The following WDR7 variants were observed in gnomAD, a reference collection of about 807,000 sequenced individuals.
WDR7 encodes WD repeat domain 7, also known as WD repeat-containing protein 7.
WDR7 carries 46 observed loss-of-function variants against 169.4 expected under a neutral mutation model. The ratio of observed to expected loss-of-function variants is 0.27; its 90% confidence interval spans 0.21 to 0.35. The LOEUF is 0.35. WDR7 is among the 10% of genes least tolerant of loss of function. The probability of loss-of-function intolerance (pLI) is 1.00; values close to 1 mark genes in which losing one functional copy is unlikely to be tolerated. For synonymous variants in WDR7, 612 were observed against 666.8 expected, an observed-to-expected ratio of 0.92 and a Z score of 1.27; for missense variants, 1,534 against 1,859.3, an observed-to-expected ratio of 0.83 and a Z score of 3.22.
At chr18:56,802,005 A>G (rs2044681233) in intron 19 of WDR7, among the ~76,000 whole-genome samples, 1 of 152,182 alleles carries the variant, frequency 6.6e-6, no homozygotes, top group Non-Finnish European at 1.5e-5. Context: ...GGAATTGCTT[A>G]GTTATATAAG....
chr18:56,799,425 T>TAC (rs199544015), intron 19 of WDR7, among the ~76,000 whole-genome samples: 1 of 151,412 alleles, frequency 6.6e-6, no homozygotes, highest in African/African-American at 2.4e-5. Flanking sequence ...ATTTTGGTTT[T>TAC]TTTTATTCAT....
At chr18:56,698,031 T>A (rs1458192093) in intron 12 of WDR7, among the ~76,000 whole-genome samples, 1 of 151,896 alleles carries the variant, frequency 6.6e-6, no homozygotes, top group African/African-American at 2.4e-5. Flanking sequence ...CCTTCTCTAC[T>A]AAAATTACAA....
chr18:56,679,367 A>G lies in WDR7; in HGVS notation c.195A>G (p.Ala65=). Residue 65 remains alanine, a synonymous_variant, in exon 3 of 28, where the codon GCA becomes GCG. Transcript: ENST00000254442. ...NPRALLFGHT[A]SITCLSKACA... is the part of the protein sequence containing the mutation. The stretch of plus-strand genomic sequence containing the variant: ...GAGCACTGTTGTTTGGTCATACAGC[A>G]TCAATCACTTGTTTGTCTAAAGCTT... The G allele has an allele frequency of 1.2e-6, 2 of 1,612,700 alleles. No homozygotes were observed. The highest frequency in any genetic ancestry group is 1.1e-5 in the South Asian group (1 of 91,030).
chr18:56,768,480 C>T (rs1365375560), intron 16 of WDR7, among the ~76,000 whole-genome samples: 1 of 152,016 alleles, frequency 6.6e-6, no homozygotes, highest in Admixed American at 6.6e-5. Flanking sequence ...TTTTTGTCTC[C>T]TAACAACTCT....
At chr18:56,735,764 T>C (rs1359898384) in intron 14 of WDR7, among the ~76,000 whole-genome samples, 1 of 152,162 alleles carries the variant, frequency 6.6e-6, no homozygotes, top group Non-Finnish European at 1.5e-5. Flanking sequence ...TAACTTTGCT[T>C]TATAGTGTGA....
intron 19 of WDR7, among the ~76,000 whole-genome samples, chr18:56,794,672 C>T (rs1167720290): frequency 1.3e-5 from 2 of 152,054 alleles, no homozygotes; most frequent in Non-Finnish European, 2.9e-5. Flanking sequence ...AAAATTAAAA[C>T]CAATTTGTTA....
chr18:56,984,290 A>G lies in WDR7; in HGVS notation c.4164+21761A>G, dbSNP rs573094991. On this transcript the variant is annotated intron_variant, in intron 26 of 27. Transcript: ENST00000254442. Reference sequence around the variant, plus strand: ...TTCCTACCCATAAATTTTTACTGAAATGTATGAAATATTAGCATCATATAT... The same window carrying G: ...TTCCTACCCATAAATTTTTACTGAAGTGTATGAAATATTAGCATCATATAT... Among the ~76,000 whole-genome samples the G allele has an allele frequency of 4.0e-4, 61 of 152,346 alleles. No individual in the cohort carries two copies. The South Asian group carries it at 0.012, about 30-fold the overall frequency.
chr18:56,794,745 G>C (rs2044554613), intron 19 of WDR7, among the ~76,000 whole-genome samples: 1 of 152,070 alleles, frequency 6.6e-6, no homozygotes, highest in South Asian at 2.1e-4. Flanking sequence ...TTCAAAGTTT[G>C]TTTATGCCAT....
intron 20 of WDR7, among the ~76,000 whole-genome samples, chr18:56,821,332 T>C (rs2045091977): frequency 6.6e-6 from 1 of 152,172 alleles, no homozygotes; most frequent in African/African-American, 2.4e-5. Flanking sequence ...GAAATTACTT[T>C]GAAGTAGATA....
intron 1 of WDR7, among the ~76,000 whole-genome samples, chr18:56,671,784 G>T (rs2025141271): frequency 6.6e-6 from 1 of 151,204 alleles, no homozygotes; most frequent in African/African-American, 2.5e-5. Context: ...TATGAAATAG[G>T]AATGATAATA....
chr18:56,866,048 G>T (rs760616470), intron 20 of WDR7, among the ~76,000 whole-genome samples: 8 of 152,098 alleles, frequency 5.3e-5, no homozygotes, highest in Non-Finnish European at 1.2e-4. Flanking sequence ...TAATTTCTAT[G>T]CAGTAAACAC....
intron 13 of WDR7, among the ~76,000 whole-genome samples, chr18:56,726,133 A>G (rs1255287921): frequency 2.0e-5 from 3 of 152,182 alleles, no homozygotes; most frequent in Admixed American, 6.5e-5. Flanking sequence ...TTGGCAATGC[A>G]GGCTCTTTTT....
chr18:56,704,611 C>T (rs1164552118), intron 12 of WDR7, among the ~76,000 whole-genome samples: 2 of 152,116 alleles, frequency 1.3e-5, no homozygotes, highest in African/African-American at 4.8e-5. Context: ...GGCAAAACTG[C>T]AATTTAATGT....
At chr18:56,861,436 G>A (rs1029991867) in intron 20 of WDR7, among the ~76,000 whole-genome samples, 1 of 152,164 alleles carries the variant, frequency 6.6e-6, no homozygotes, top group African/African-American at 2.4e-5. Flanking sequence ...CAGCGATTGG[G>A]CCTCCTGTTC....
chr18:56,868,748 C>A (rs1345943485), intron 20 of WDR7, among the ~76,000 whole-genome samples: 1 of 152,046 alleles, frequency 6.6e-6, no homozygotes, highest in African/African-American at 2.4e-5. Context: ...CATGGAAATG[C>A]GAATAATGGT....
At chr18:56,822,775 T>C (rs2145244792) in intron 20 of WDR7, among the ~76,000 whole-genome samples, 1 of 152,326 alleles carries the variant, frequency 6.6e-6, no homozygotes, top group Non-Finnish European at 1.5e-5. Context: ...TTAAGGCTCT[T>C]AGTAATTATA....
chr18:56,895,214 A>G (rs879867440), intron 21 of WDR7, among the ~76,000 whole-genome samples: 8 of 152,066 alleles, frequency 5.3e-5, no homozygotes, highest in Admixed American at 3.9e-4. Context: ...CCATATGTCA[A>G]TCAGCAAGAT....
chr18:56,886,124 T>C (rs2046189360), intron 21 of WDR7, among the ~76,000 whole-genome samples: 1 of 151,988 alleles, frequency 6.6e-6, no homozygotes, highest in African/African-American at 2.4e-5. Flanking sequence ...TACAAGAAGC[T>C]CAACACCTGA....
chr18:56,959,617 A>G (rs1246209277), intron 25 of WDR7, among the ~76,000 whole-genome samples: 3 of 152,186 alleles, frequency 2.0e-5, no homozygotes, highest in Admixed American at 6.5e-5. Context: ...CACCATTTCC[A>G]GAAGGCTCAA....
Sources: allele counts gnomAD v4.1 joint callset (sites outside exome capture counted in the v4.1 genomes callset), GRCh38; gene constraint gnomAD v4.1.1; transcripts MANE v1.5; gene names NCBI Gene and HGNC (gene_info 2026-07-23, HGNC 2026-07-21).